Variants in IGFBP7 observed in about 807,000 individuals in gnomAD.
IGFBP7 encodes the protein insulin-like growth factor-binding protein 7.
Under a neutral mutation model 29.4 loss-of-function variants are expected in IGFBP7, and 31 were observed. The ratio of observed to expected loss-of-function variants is 1.05; its 90% CI spans 0.79 to 1.42. IGFBP7 has a LOEUF of 1.42. Among genes scored for constraint, IGFBP7 ranks in the 40% most tolerant of loss-of-function variants. IGFBP7 has a pLI of 0.00. For missense variants in IGFBP7, 393 were observed against 395.5 expected (o/e 0.99, Z 0.05); for synonymous variants, 172 against 174.9 (o/e 0.98, Z 0.13).
intron 1 of IGFBP7, among the ~76,000 whole-genome samples, chr4:57,057,509 CAG>C (rs1724703329): frequency 6.6e-6 from 1 of 152,118 alleles, no homozygotes; most frequent in Non-Finnish European, 1.5e-5. Flanking sequence ...CCTCATAAAA[CAG>C]GGGATTTCAG....
At chr4:57,073,797 C>A (rs1425655593) in intron 1 of IGFBP7, among the ~76,000 whole-genome samples, 2 of 152,150 alleles carry the variant, frequency 1.3e-5, no homozygotes, top group African/African-American at 4.8e-5. Context: ...CATCCACGGC[C>A]ACAGCCCATT....
At chr4:57,056,143 C>T (rs1724667966) in intron 1 of IGFBP7, among the ~76,000 whole-genome samples, 1 of 152,100 alleles carries the variant, frequency 6.6e-6, no homozygotes, top group Non-Finnish European at 1.5e-5. Flanking sequence ...AGCTTGGCCC[C>T]TCTGGTCATT....
intron 2 of IGFBP7, among the ~76,000 whole-genome samples, chr4:57,038,519 C>T (rs1454495408): frequency 6.6e-6 from 1 of 152,088 alleles, no homozygotes; most frequent in African/African-American, 2.4e-5. Flanking sequence ...GAAAGAGCTC[C>T]GACTGCGGGA....
chr4:57,056,695 G>A (rs1165799324), intron 1 of IGFBP7, among the ~76,000 whole-genome samples: 1 of 152,202 alleles, frequency 6.6e-6, no homozygotes, highest in African/African-American at 2.4e-5. Context: ...GGACAGAGGA[G>A]TCCATCTGGC....
At chr4:57,073,771 A>C (rs561853527) in intron 1 of IGFBP7, among the ~76,000 whole-genome samples, 2 of 152,226 alleles carry the variant, frequency 1.3e-5, no homozygotes, top group Admixed American at 1.3e-4. Context: ...TGCCAATTCC[A>C]CTGTCACCAC....
intron 1 of IGFBP7, among the ~76,000 whole-genome samples, chr4:57,081,577 G>A (rs560447150): frequency 3.8e-4 from 58 of 152,004 alleles, no homozygotes; most frequent in Non-Finnish European, 7.2e-4. Context: ...GTCGGGCCTT[G>A]TGCAGAAATC....
intron 2 of IGFBP7, 79 bp from the exon 3 acceptor site, chr4:57,033,390 GCA>G: frequency 2.2e-6 from 2 of 889,442 alleles, no homozygotes; most frequent in South Asian, 2.6e-5. Context: ...CCCTACAATT[GCA>G]CATAGTGTAT....
At chr4:57,060,299 G>T (rs1724770049) in intron 1 of IGFBP7, among the ~76,000 whole-genome samples, 1 of 152,170 alleles carries the variant, frequency 6.6e-6, no homozygotes, top group Admixed American at 6.5e-5. Flanking sequence ...CCAGTTACAG[G>T]AAGAAGGTCA....
chr4:57,053,019 CTT>C (rs60116761), intron 1 of IGFBP7, among the ~76,000 whole-genome samples: 62 of 141,042 alleles, frequency 4.4e-4, no homozygotes, highest in South Asian at 6.7e-4. Flanking sequence ...TCTTTTCTAT[CTT>C]TTTTTTTTTT....
At chr4:57,096,550 G>T (rs1345451221) in intron 1 of IGFBP7, among the ~76,000 whole-genome samples, 3 of 152,110 alleles carry the variant, frequency 2.0e-5, no homozygotes, top group Admixed American at 2.0e-4. Flanking sequence ...AGCTCCCCAG[G>T]TGATTCTGAT....
chr4:57,070,951 G>T (rs1718842), intron 1 of IGFBP7, among the ~76,000 whole-genome samples: 113,255 of 152,100 alleles, frequency 0.74, 42,553 homozygotes, highest in Admixed American at 0.83. Context: ...AATTAAAAAG[G>T]CCAATTCATT....
chr4:57,076,743 C>T (rs11573050), intron 1 of IGFBP7, among the ~76,000 whole-genome samples: 6 of 152,138 alleles, frequency 3.9e-5, no homozygotes, highest in African/African-American at 7.2e-5. Flanking sequence ...GAAGCCATGT[C>T]AGAGAATGAG....
At chr4:57,045,323 C>A (rs576771524) in intron 1 of IGFBP7, among the ~76,000 whole-genome samples, 60 of 152,276 alleles carry the variant, frequency 3.9e-4, no homozygotes, top group African/African-American at 1.4e-3. Flanking sequence ...GTTTGCTGCA[C>A]AACATTTACA....
intron 1 of IGFBP7, among the ~76,000 whole-genome samples, chr4:57,108,134 A>G (rs529176388): frequency 3.4e-4 from 52 of 152,236 alleles, no homozygotes; most frequent in Non-Finnish European, 5.4e-4. Flanking sequence ...AACTGTTTCT[A>G]TTGTAAACAT....
At chr4:57,046,688 A>C (rs1283709381) in intron 1 of IGFBP7, among the ~76,000 whole-genome samples, 1 of 152,174 alleles carries the variant, frequency 6.6e-6, no homozygotes, top group African/African-American at 2.4e-5. Flanking sequence ...CTGCTCAAAC[A>C]TCTGTCTAGC....
rs1017816774 is a variant in IGFBP7 at position 57,110,211 on chromosome 4, G to A, written c.141C>T (p.Gly47=). The A allele has an allele frequency of 2.2e-6, 3 of 1,378,202 alleles. No individual in the cohort carries two copies. Among genetic ancestry groups the A allele is most frequent in the Non-Finnish European group, 2.8e-6 (3 of 1,073,366 alleles). 85.4% of individuals were successfully genotyped at this position (1,378,202 alleles called of 1,614,324 possible). A position where few individuals can be genotyped will look rare whatever the true frequency, so the allele number is the denominator to read the frequency against. The change falls in exon 1 of 5, where the codon GGC becomes GGT. Residue 47 remains glycine, a synonymous_variant. Transcript: ENST00000295666. ...PASCPPLPPL[G]CLLGETRDAC... Reference sequence around the variant, plus strand: ...CGTCGCGGGTCTCGCCCAGCAGGCAGCCCAGCGGGGGCAGGGGCGGGCAGG... The same window carrying A: ...CGTCGCGGGTCTCGCCCAGCAGGCAACCCAGCGGGGGCAGGGGCGGGCAGG...
chr4:57,069,042 A>G (rs56049683), intron 1 of IGFBP7, among the ~76,000 whole-genome samples: 107,430 of 151,726 alleles, frequency 0.71, 39,166 homozygotes, highest in Admixed American at 0.82. Flanking sequence ...CTCACCCATA[A>G]GCCTAGAGGG....
In IGFBP7 at chr4:57,110,152, T is replaced by G. The variant is rs1465674426; in HGVS notation, c.200A>C (p.Glu67Ala). The G allele has an allele frequency of 6.8e-7, 1 of 1,467,868 alleles. No homozygotes were observed. The highest frequency in any genetic ancestry group is 2.9e-5 in the East Asian group (1 of 34,658). The allele number at this position is 1,467,868 out of a possible 1,614,324, so 90.9% of individuals were successfully genotyped here. A position where few individuals can be genotyped will look rare whatever the true frequency, so the allele number is the denominator to read the frequency against. Residue 67 changes from glutamate (E) to alanine (A), a missense_variant, in exon 1 of 5, where the codon GAG (glutamate) becomes GCG (alanine). Glu to Ala is a moderately radical substitution (Grantham distance 107). Transcript: ENST00000295666. ...GCCGCCACCCCCGCACGGCTCGCCC[T>G]CGCCGCGGGCGCACATAGGGCAGCA... ...CGCCPMCARG[E>A]GEPCGGGGAG...
intron 2 of IGFBP7, among the ~76,000 whole-genome samples, chr4:57,040,476 T>C (rs553324494): frequency 1.7e-4 from 26 of 152,322 alleles, no homozygotes; most frequent in African/African-American, 5.1e-4. Context: ...TATGCTATAC[T>C]GTCTCCACTG....
Sources: allele counts gnomAD v4.1 joint callset (sites outside exome capture counted in the v4.1 genomes callset), GRCh38; gene constraint gnomAD v4.1.1; transcripts MANE v1.5; gene names NCBI Gene and HGNC (gene_info 2026-07-23, HGNC 2026-07-21).